GABRA3: variants seen among roughly 807,000 people sequenced by gnomAD.
GABRA3 encodes gamma-aminobutyric acid type A receptor subunit alpha3.
In GABRA3, 10 loss-of-function variants were observed where a neutral mutation model predicts 30.1. The ratio of observed to expected loss-of-function variants is 0.33; its 90% CI spans 0.20 to 0.56. The LOEUF is 0.56. Ranked by LOEUF, GABRA3 falls within the 20% of genes least tolerant of loss-of-function variation. GABRA3 has a pLI of 0.89. For missense variants in GABRA3, 233 were observed against 392.0 expected (o/e 0.59, Z 3.42); for synonymous variants, 151 against 146.8 (o/e 1.03, Z -0.21).
intron 9 of GABRA3, among the ~76,000 whole-genome samples, chrX:152,177,585 A>G (rs1009160099): frequency 9.0e-6 from 1 of 111,406 alleles, no homozygotes; most frequent in African/African-American, 3.3e-5. Flanking sequence ...AAAAAATACA[A>G]AAAACAAAAA....
intron 4 of GABRA3, among the ~76,000 whole-genome samples, chrX:152,260,612 C>A (rs1446776169): frequency 8.9e-6 from 1 of 111,792 alleles, no homozygotes; most frequent in Non-Finnish European, 1.9e-5. Context: ...GCAGAGAATT[C>A]TTCTGGATAC....
chrX:152,193,030 T>C (rs1937343027), intron 8 of GABRA3, among the ~76,000 whole-genome samples: 1 of 112,067 alleles, frequency 8.9e-6, no homozygotes, highest in African/African-American at 3.2e-5. Flanking sequence ...CAATCCATAT[T>C]TTCTTTGATG....
At chrX:152,223,050 A>C (rs1337698681) in intron 6 of GABRA3, among the ~76,000 whole-genome samples, 1 of 111,709 alleles carries the variant, frequency 9.0e-6, no homozygotes, top group African/African-American at 3.3e-5. Flanking sequence ...CTGTGTGATC[A>C]TCAAATCATT....
intron 4 of GABRA3, among the ~76,000 whole-genome samples, chrX:152,258,219 T>C (rs1445040188): frequency 9.0e-6 from 1 of 111,479 alleles, no homozygotes; most frequent in Admixed American, 9.5e-5. Flanking sequence ...AAAAGCAAAT[T>C]TGAAAAAGAT....
At chrX:152,438,759 T>G (rs1413397613) in intron 1 of GABRA3, among the ~76,000 whole-genome samples, 1 of 112,008 alleles carries the variant, frequency 8.9e-6, no homozygotes, top group African/African-American at 3.2e-5. Flanking sequence ...TATATGACAT[T>G]TTGGAAAAGG....
chrX:152,182,487 T>C (rs1463034027), intron 9 of GABRA3, among the ~76,000 whole-genome samples: 1 of 86,653 alleles, frequency 1.2e-5, no homozygotes, highest in African/African-American at 4.2e-5. Flanking sequence ...ATAGTATACA[T>C]ACTATATATA....
intron 8 of GABRA3, 120 bp downstream of exon 8, chrX:152,197,513 C>G: frequency 1.2e-5 from 7 of 591,534 alleles, no homozygotes; most frequent in Non-Finnish European, 1.8e-5. Flanking sequence ...GATTCAGTTA[C>G]TCCTGCTAGG....
intron 1 of GABRA3, among the ~76,000 whole-genome samples, chrX:152,444,740 T>G (rs1305835279): frequency 9.8e-5 from 8 of 81,423 alleles, no homozygotes; most frequent in East Asian, 3.6e-4. Context: ...GTGTGTTTTT[T>G]TTTTTTTGTT....
At chrX:152,170,420 T>C (rs1048038767) in intron 9 of GABRA3, among the ~76,000 whole-genome samples, 1 of 112,363 alleles carries the variant, frequency 8.9e-6, no homozygotes, top group Non-Finnish European at 1.9e-5. Context: ...CTCAAGTGAT[T>C]CTCCCGCCTC....
chrX:152,270,414 A>C (rs1461309635), intron 4 of GABRA3, among the ~76,000 whole-genome samples: 1 of 112,027 alleles, frequency 8.9e-6, no homozygotes, highest in Admixed American at 9.5e-5. Flanking sequence ...AGTCTTAGGC[A>C]GTTCTTTATG....
chrX:152,340,553 T>C (rs1322125870), intron 3 of GABRA3, among the ~76,000 whole-genome samples: 1 of 112,060 alleles, frequency 8.9e-6, no homozygotes, highest in Non-Finnish European at 1.9e-5. Context: ...TTTATGTGTT[T>C]GAAAAAAGTG....
At chrX:152,211,259 TCTTAA>T (rs1445111951) in intron 6 of GABRA3, among the ~76,000 whole-genome samples, 1 of 109,338 alleles carries the variant, frequency 9.1e-6, no homozygotes, top group Non-Finnish European at 1.9e-5. Context: ...TTGCTGGATC[TCTTAA>T]CTTAAGTTGA....
At chrX:152,375,062 T>C (rs1928958959) in intron 1 of GABRA3, among the ~76,000 whole-genome samples, 1 of 111,509 alleles carries the variant, frequency 9.0e-6, no homozygotes, top group African/African-American at 3.3e-5. Context: ...AAAATGGCCA[T>C]ACCGCCCAAA....
At chrX:152,307,230 G>T (rs966935208) in intron 3 of GABRA3, among the ~76,000 whole-genome samples, 1 of 111,678 alleles carries the variant, frequency 9.0e-6, no homozygotes, top group Non-Finnish European at 1.9e-5. Context: ...CGAAATTAAA[G>T]TAAAGTAAAG....
At chrX:152,410,599 T>G (rs1005476775) in intron 1 of GABRA3, among the ~76,000 whole-genome samples, 9 of 111,348 alleles carry the variant, frequency 8.1e-5, no homozygotes, top group Non-Finnish European at 1.7e-4. Context: ...CCATAATTAT[T>G]TCAAATAAAA....
intron 3 of GABRA3, among the ~76,000 whole-genome samples, chrX:152,301,746 C>A (rs1031308187): frequency 1.8e-5 from 2 of 111,177 alleles, no homozygotes; most frequent in African/African-American, 6.5e-5. Flanking sequence ...GTTGGCCAGG[C>A]TGGTCTTGAA....
chrX:152,204,750 C>T (rs1184717127), intron 7 of GABRA3, among the ~76,000 whole-genome samples: 2 of 111,637 alleles, frequency 1.8e-5, no homozygotes, highest in Non-Finnish European at 3.8e-5. Flanking sequence ...CATTATTTTC[C>T]TAGGGCTGCC....
chrX:152,434,062 C>G (rs1329662254), intron 1 of GABRA3, among the ~76,000 whole-genome samples: 1 of 111,168 alleles, frequency 9.0e-6, no homozygotes, highest in Non-Finnish European at 1.9e-5. Flanking sequence ...TGAATTACAC[C>G]AAGTGTGATG....
intron 1 of GABRA3, among the ~76,000 whole-genome samples, chrX:152,400,034 T>C (rs952288926): frequency 9.0e-6 from 1 of 111,140 alleles, no homozygotes; most frequent in African/African-American, 3.3e-5. Context: ...CAAGTGAAAA[T>C]ATGAGGCAGA....
Sources: allele counts gnomAD v4.1 joint callset (sites outside exome capture counted in the v4.1 genomes callset), GRCh38; gene constraint gnomAD v4.1.1; transcripts MANE v1.5; gene names NCBI Gene and HGNC (gene_info 2026-07-23, HGNC 2026-07-21).